Variants in MECOM observed in about 807,000 individuals in gnomAD.
MECOM encodes histone-lysine N-methyltransferase MECOM.
In MECOM, 13 loss-of-function variants were observed where a neutral mutation model predicts 116.3. The observed-to-expected ratio is 0.11, with a 90% CI of 0.07 to 0.18. The LOEUF is 0.18. Among genes scored for constraint, MECOM ranks in the 10% least tolerant of loss-of-function variants. MECOM has a pLI of 1.00. For synonymous variants in MECOM, 528 were observed against 535.2 expected (o/e 0.99, Z 0.19); for missense variants, 1,299 against 1,509.0 (o/e 0.86, Z 2.31).
At chr3:169,653,184 G>A (rs781191221) in intron 1 of MECOM, among the ~76,000 whole-genome samples, 4 of 152,094 alleles carry the variant, frequency 2.6e-5, no homozygotes, top group Admixed American at 6.6e-5. Context: ...TTCTGGTGCC[G>A]ACATTACTTA....
chr3:169,543,584 A>T (rs1312187327), intron 1 of MECOM, among the ~76,000 whole-genome samples: 1 of 152,228 alleles, frequency 6.6e-6, no homozygotes. Context: ...TGGAGGGAAA[A>T]ACATTATTTG....
chr3:169,625,967 G>T (rs1771320945), intron 1 of MECOM, among the ~76,000 whole-genome samples: 1 of 152,174 alleles, frequency 6.6e-6, no homozygotes, highest in Admixed American at 6.5e-5. Context: ...TGAAAATACA[G>T]CATAAGCTAT....
At chr3:169,343,403 T>G (rs1015405069) in intron 2 of MECOM, among the ~76,000 whole-genome samples, 9 of 152,082 alleles carry the variant, frequency 5.9e-5, no homozygotes, top group African/African-American at 2.2e-4. Flanking sequence ...AAAAGTGCAG[T>G]GAGTGGCTCC....
intron 2 of MECOM, among the ~76,000 whole-genome samples, chr3:169,176,260 T>A (rs1296158755): frequency 6.6e-6 from 1 of 152,078 alleles, no homozygotes; most frequent in Non-Finnish European, 1.5e-5. Context: ...ATCAAGAGGA[T>A]CTTACACAGG....
chr3:169,281,861 T>C (rs1712119534), intron 2 of MECOM, among the ~76,000 whole-genome samples: 1 of 152,090 alleles, frequency 6.6e-6, no homozygotes, highest in Non-Finnish European at 1.5e-5. Context: ...AATATGGAAG[T>C]GGTAAAAGGA....
At chr3:169,573,139 C>T (rs1764117512) in intron 1 of MECOM, among the ~76,000 whole-genome samples, 1 of 152,170 alleles carries the variant, frequency 6.6e-6, no homozygotes, top group Admixed American at 6.5e-5. Context: ...AGGCTTCTCC[C>T]CCTCACCCTC....
At chr3:169,292,028 G>T (rs1435120131) in intron 2 of MECOM, among the ~76,000 whole-genome samples, 1 of 152,168 alleles carries the variant, frequency 6.6e-6, no homozygotes, top group African/African-American at 2.4e-5. Flanking sequence ...GACCACAAAT[G>T]ATTATGCAAC....
At chr3:169,584,667 T>C (rs544007568) in intron 1 of MECOM, among the ~76,000 whole-genome samples, 2 of 152,132 alleles carry the variant, frequency 1.3e-5, no homozygotes, top group Non-Finnish European at 2.9e-5. Context: ...ACATTTCCAA[T>C]TGAATTTGAG....
At chr3:169,353,985 C>T (rs964782269) in intron 2 of MECOM, among the ~76,000 whole-genome samples, 2 of 151,854 alleles carry the variant, frequency 1.3e-5, no homozygotes, top group Non-Finnish European at 2.9e-5. Context: ...TTCAGTCCCT[C>T]CATAGCTAAC....
intron 2 of MECOM, among the ~76,000 whole-genome samples, chr3:169,253,964 T>C (rs908585603): frequency 6.6e-6 from 1 of 152,142 alleles, no homozygotes; most frequent in African/African-American, 2.4e-5. Context: ...CAAAGAATAA[T>C]GACACTGTTA....
At chr3:169,234,476 G>A (rs1753785773) in intron 2 of MECOM, among the ~76,000 whole-genome samples, 1 of 149,592 alleles carries the variant, frequency 6.7e-6, no homozygotes, top group Non-Finnish European at 1.5e-5. Flanking sequence ...AAAAAGGGAA[G>A]AAAAGGGAAA....
At chr3:169,618,276 A>T (rs1226712090) in intron 1 of MECOM, among the ~76,000 whole-genome samples, 1 of 152,230 alleles carries the variant, frequency 6.6e-6, no homozygotes, top group Non-Finnish European at 1.5e-5. Context: ...GTTTACTCCC[A>T]CTAGCCCTTC....
chr3:169,169,632 C>G (rs1042797862), intron 2 of MECOM, among the ~76,000 whole-genome samples: 1 of 150,626 alleles, frequency 6.6e-6, no homozygotes, highest in African/African-American at 2.4e-5. Context: ...ACCTCTTGTA[C>G]TTAAAAAAAA....
intron 2 of MECOM, among the ~76,000 whole-genome samples, chr3:169,307,257 A>G (rs1375371563): frequency 6.6e-6 from 1 of 152,158 alleles, no homozygotes; most frequent in African/African-American, 2.4e-5. Context: ...CAGCTGCATC[A>G]TCACCTCCCT....
At chr3:169,315,072 A>G (rs1024721895) in intron 2 of MECOM, among the ~76,000 whole-genome samples, 1 of 152,160 alleles carries the variant, frequency 6.6e-6, no homozygotes, top group African/African-American at 2.4e-5. Flanking sequence ...ACTTTCCAAG[A>G]CACAGAGTGA....
At chr3:169,614,828 G>C (rs1367063723) in intron 1 of MECOM, 1 of 152,300 alleles carries the variant, frequency 6.6e-6, no homozygotes, top group East Asian at 1.9e-4. Context: ...ACCCAGTTAA[G>C]CTCTGCACAC....
chr3:169,591,338 T>C (rs1766379893), intron 1 of MECOM, among the ~76,000 whole-genome samples: 2 of 152,146 alleles, frequency 1.3e-5, no homozygotes, highest in African/African-American at 4.8e-5. Context: ...ATTCTCTGAT[T>C]CAAGGAAATG....
At chr3:169,573,594 C>T (rs925603826) in intron 1 of MECOM, among the ~76,000 whole-genome samples, 1 of 152,148 alleles carries the variant, frequency 6.6e-6, no homozygotes, top group African/African-American at 2.4e-5. Context: ...TAGACCTTAG[C>T]GGATTTCATC....
At chr3:169,361,165 C>T (rs1199588071) in intron 2 of MECOM, among the ~76,000 whole-genome samples, 2 of 151,860 alleles carry the variant, frequency 1.3e-5, no homozygotes, top group East Asian at 1.9e-4. Context: ...CCTCTCTCAA[C>T]CCTGCTCCAC....
Sources: gnomAD v4.1 joint callset for allele counts (sites outside exome capture counted in the v4.1 genomes callset) on GRCh38, gnomAD v4.1.1 for gene constraint, MANE v1.5 for transcripts, NCBI Gene and HGNC (gene_info 2026-07-23, HGNC 2026-07-21) for gene names.